The following CACNA1S variants were observed in gnomAD, a reference collection of about 807,000 sequenced individuals.
The protein encoded by CACNA1S is calcium voltage-gated channel subunit alpha1 S.
CACNA1S carries 126 observed loss-of-function variants against 207.4 expected under a neutral mutation model. The ratio of observed to expected loss-of-function variants is 0.61; its 90% CI spans 0.53 to 0.70. CACNA1S has a LOEUF of 0.70. Among genes scored for constraint, CACNA1S ranks in the 30% least tolerant of loss-of-function variants. The pLI is 0.00. For synonymous variants in CACNA1S, 960 were observed against 932.7 expected, an observed-to-expected ratio of 1.03 and a Z score of -0.53; for missense variants, 2,349 against 2,422.8, an observed-to-expected ratio of 0.97 and a Z score of 0.64.
intron 3 of CACNA1S, among the ~76,000 whole-genome samples, chr1:201,093,061 T>C (rs1366145674): frequency 1.3e-5 from 2 of 152,240 alleles, no homozygotes; most frequent in Non-Finnish European, 2.9e-5. Context: ...TAAGCACATA[T>C]TAAGTGCTTG....
chr1:201,077,743 G>C, intron 11 of CACNA1S, 136 bp downstream of exon 11: 1 of 622,992 alleles, frequency 1.6e-6, no homozygotes, highest in Non-Finnish European at 2.9e-6. Context: ...ATTTCAAGGA[G>C]GGAGGGAAGT....
At chr1:201,108,256 C>A (rs1252887694) in intron 2 of CACNA1S, among the ~76,000 whole-genome samples, 3 of 152,076 alleles carry the variant, frequency 2.0e-5, no homozygotes, top group Non-Finnish European at 4.4e-5. Flanking sequence ...GAGGCATGCA[C>A]CACCAGGCCC....
chr1:201,079,119 C>CAAAAA (rs149794288), intron 10 of CACNA1S, among the ~76,000 whole-genome samples: 1 of 125,370 alleles, frequency 8.0e-6, no homozygotes, highest in Non-Finnish European at 1.7e-5. Context: ...GACTCCATCT[C>CAAAAA]AAAAAAAAAA....
At chr1:201,048,225 C>T (rs566748546) in intron 36 of CACNA1S, among the ~76,000 whole-genome samples, 3 of 152,316 alleles carry the variant, frequency 2.0e-5, no homozygotes, top group South Asian at 2.1e-4. Context: ...TTAGTGGAGT[C>T]GAATGTGGAC....
At chr1:201,041,445 G>T in intron 41 of CACNA1S, 59 bp downstream of exon 41, 2 of 1,327,162 alleles carry the variant, frequency 1.5e-6, no homozygotes, top group Non-Finnish European at 2.2e-6. Flanking sequence ...AAAGAGTGGG[G>T]CTTCCCGGAC....
At chr1:201,054,399 G>A (rs1467859678) in intron 29 of CACNA1S, 106 bp downstream of exon 29, 11 of 1,181,432 alleles carry the variant, frequency 9.3e-6, no homozygotes, top group Non-Finnish European at 1.4e-5. Context: ...AGGGAGCCCT[G>A]AGTGCTGATC....
rs1410202407 is a variant in CACNA1S at position 201,077,913 on chromosome 1, A to G, written c.1585T>C (p.Cys529Arg). 1 of 1,613,976 alleles carries G rather than the reference A, an allele frequency of 6.2e-7. No individual in the cohort carries two copies. The highest frequency in any genetic ancestry group is 8.5e-7 in the Non-Finnish European group (1 of 1,179,942). ...TTGAAGATCCTCAGGAGGCGGATGC[A>G]GCGGAGCACGGAGATGCCCAGGGGT... ...MTPLGISVLR[C>R]IRLLRIFKIT... is the part of the protein sequence containing the mutation. The change falls in exon 11 of 44, where the codon TGC becomes CGC. Residue 529 changes from cysteine to arginine, a missense_variant. Cys to Arg is a radical substitution (Grantham distance 180, BLOSUM62 -3). Coordinates refer to ENST00000362061, the MANE Select transcript of CACNA1S (RefSeq NM_000069.3).
chr1:201,073,931 C>T (rs1191349432), intron 14 of CACNA1S, among the ~76,000 whole-genome samples: 1 of 152,100 alleles, frequency 6.6e-6, no homozygotes, highest in African/African-American at 2.4e-5. Flanking sequence ...TGGGTTTATA[C>T]GAGATTCATA....
At chr1:201,102,267 A>G (rs1325575881) in intron 2 of CACNA1S, among the ~76,000 whole-genome samples, 1 of 152,074 alleles carries the variant, frequency 6.6e-6, no homozygotes, top group Non-Finnish European at 1.5e-5. Flanking sequence ...GTGTCACAGC[A>G]GAGGCCAGAC....
chr1:201,075,424 AC>A, intron 13 of CACNA1S, 70 bp downstream of exon 13: 1 of 1,573,532 alleles, frequency 6.4e-7, no homozygotes. Flanking sequence ...GACACCCTTG[AC>A]CCCCATTTTA....
At position 201,101,505 on chromosome 1, in the gene CACNA1S, G is replaced by A. The variant is rs186809147; in HGVS notation, c.259-7484C>T. On this transcript the variant is annotated intron_variant, in intron 2 of 43. Coordinates refer to ENST00000362061, the MANE Select transcript of CACNA1S (RefSeq NM_000069.3). ...TTTAGCAACTTTGACACAGGGGCTC[G>A]GCACCTCTACCTGAGCTGCAGGGGT... Among the ~76,000 whole-genome samples, 483 of 152,354 alleles carry A rather than the reference G, an allele frequency of 3.2e-3. 4 individuals carry two copies. The highest frequency in any genetic ancestry group is 0.011 in the African/African-American group (462 of 41,582).
chr1:201,072,169 A>G (rs1162870702), intron 16 of CACNA1S, among the ~76,000 whole-genome samples: 1 of 152,174 alleles, frequency 6.6e-6, no homozygotes, highest in Non-Finnish European at 1.5e-5. Flanking sequence ...TTCTTGGTCC[A>G]GATAAATGGG....
Position 201,040,331 on chromosome 1 carries a change from G to GA in CACNA1S, c.5269dup (p.Ser1757PhefsTer8). 2 of 1,613,860 alleles carry GA rather than the reference G, an allele frequency of 1.2e-6. No homozygotes were observed. Among genetic ancestry groups the GA allele is most frequent in the Non-Finnish European group, 1.7e-6 (2 of 1,179,936 alleles). On this transcript the variant is annotated frameshift_variant, in exon 43 of 44. Coordinates refer to ENST00000362061, the MANE Select transcript of CACNA1S (RefSeq NM_000069.3). LOFTEE classifies it high-confidence loss of function. ...CTCCTCATGAAGAGACCCTGGTGTG[G>GA]AGCTCTTTCTGTCCTCAGGCATGGA...
Position 201,061,256 on chromosome 1 carries a change from A to T in CACNA1S, c.3255+11T>A. ...GCTCTGCCCTCCACCTCTGGCAGGCAGCCCAGGCACCTGGTTCTTGTCCAG... is the reference window on the plus strand; with the variant it reads ...GCTCTGCCCTCCACCTCTGGCAGGCTGCCCAGGCACCTGGTTCTTGTCCAG... On this transcript the variant is annotated intron_variant, in intron 25 of 43. Transcript: ENST00000362061. 6.2e-7 allele frequency: 1 copy of T among 1,613,330 alleles called. No individual in the cohort carries two copies. The highest frequency in any genetic ancestry group is 1.1e-5 in the South Asian group (1 of 91,056).
chr1:201,079,831 A>G lies in CACNA1S; in HGVS notation c.1394-1727T>C, dbSNP rs537851091. ...GAACACCCCTTTTCTCTTGCTGTCCATCATGAGAATTGCTGCAACATTCTG... is the reference window on the plus strand; with the variant it reads ...GAACACCCCTTTTCTCTTGCTGTCCGTCATGAGAATTGCTGCAACATTCTG... On this transcript the variant is annotated intron_variant, in intron 10 of 43. Coordinates refer to ENST00000362061, the MANE Select transcript of CACNA1S (RefSeq NM_000069.3). 2.6e-5 allele frequency among the ~76,000 whole-genome samples: 4 copies of G among 152,282 alleles called. No individual in the cohort carries two copies. In the South Asian group the frequency reaches 8.3e-4, roughly 32 times the overall value.
chr1:201,063,021 C>T (rs1661120378), intron 22 of CACNA1S, among the ~76,000 whole-genome samples: 1 of 152,128 alleles, frequency 6.6e-6, no homozygotes, highest in African/African-American at 2.4e-5. Context: ...CAGCTGGGCT[C>T]TGATGACTCA....
chr1:201,076,815 CAGACA>C lies in CACNA1S; in HGVS notation c.1827+100_1827+104del. 4.8e-6 allele frequency: 5 copies of C among 1,051,192 alleles called. No individual in the cohort carries two copies. The South Asian group carries it at 6.3e-5, about 13-fold the overall frequency. The allele number at this position is 1,051,192 out of a possible 1,614,324, so 65.1% of individuals were successfully genotyped here. On this transcript the variant is annotated intron_variant, in intron 12 of 43. Coordinates refer to ENST00000362061, the MANE Select transcript of CACNA1S (RefSeq NM_000069.3). Reference sequence around the variant, plus strand: ...AGGACATTGCACTCAACCAGCAGATCAGACAAGGCTTCCTGGAGAAGGTGATGCCC... The same window carrying C: ...AGGACATTGCACTCAACCAGCAGATCAGGCTTCCTGGAGAAGGTGATGCCC...
intron 19 of CACNA1S, among the ~76,000 whole-genome samples, chr1:201,067,921 TAG>T (rs1661305623): frequency 6.6e-6 from 1 of 152,206 alleles, no homozygotes; most frequent in Non-Finnish European, 1.5e-5. Context: ...GGGGCTCGGC[TAG>T]CTTCTCCTCT....
rs375594037 is a variant in CACNA1S, at chr1:201,053,014, C to A, written c.3861+195G>T. On this transcript the variant is annotated intron_variant, in intron 31 of 43. Transcript: ENST00000362061. This position sits in a 1 kb window ranked among gnomAD's most constrained non-coding sequence, Gnocchi z 5.1. ...GCTGTCCACCCACATGCCCAGGTTT[C>A]TCCTGGCTGGCATCCAAGCATCTGA... Among the ~76,000 whole-genome samples the A allele has an allele frequency of 2.0e-5, 3 of 152,148 alleles. No individual in the cohort carries two copies. Among genetic ancestry groups the A allele is most frequent in the African/African-American group, 4.8e-5 (2 of 41,512 alleles).
Sources: gnomAD v4.1 joint callset for allele counts (sites outside exome capture counted in the v4.1 genomes callset) on GRCh38, gnomAD v4.1.1 for gene constraint, Gnocchi (gnomAD v3.1) non-coding constraint, MANE v1.5 for transcripts, NCBI Gene and HGNC (gene_info 2026-07-23, HGNC 2026-07-21) for gene names.